SLC25A53: variants seen among roughly 807,000 people sequenced by gnomAD.
The protein encoded by SLC25A53 is mitochondrial carrier triple repeat protein 6.
SLC25A53 carries 5 observed loss-of-function variants against 15.0 expected under a neutral mutation model. That is an observed-to-expected ratio of 0.33 (90% CI 0.17 to 0.70). The LOEUF (loss-of-function observed/expected upper bound fraction) is 0.70. SLC25A53 is among the 30% of genes least tolerant of loss of function. SLC25A53 has a pLI of 0.67. For synonymous variants in SLC25A53, 95 were observed against 100.0 expected, an observed-to-expected ratio of 0.95 and a Z score of 0.30; for missense variants, 216 against 241.6, an observed-to-expected ratio of 0.89 and a Z score of 0.70.
At position 104,144,567 on chromosome X, in the gene SLC25A53, G is replaced by C. The variant is rs368449404; in HGVS notation, c.-32+12311C>G. On this transcript the variant is annotated intron_variant, in intron 1 of 1. Coordinates refer to ENST00000594199, the MANE Select transcript of SLC25A53 (RefSeq NM_001012755.5). ...CGATCTCGCTGGGAGCTGCAGACCAGAGCTGTTCCTATTCGGCCATCTTGC... is the reference window on the plus strand; with the variant it reads ...CGATCTCGCTGGGAGCTGCAGACCACAGCTGTTCCTATTCGGCCATCTTGC... 6.3e-5 allele frequency among the ~76,000 whole-genome samples: 7 copies of C among 111,766 alleles called. No individual in the cohort carries two copies. In the East Asian group the frequency reaches 2.0e-3, roughly 31 times the overall value.
intron 1 of SLC25A53, among the ~76,000 whole-genome samples, chrX:104,136,668 G>A (rs145060872): frequency 4.3e-4 from 48 of 112,215 alleles, no homozygotes; most frequent in African/African-American, 1.6e-3. Context: ...ACAGCCCACT[G>A]CACTGTGAAA....
At position 104,104,835 on chromosome X, in the gene SLC25A53, C is replaced by G. The variant is rs782548423; in HGVS notation, c.423G>C (p.Val141=). Residue 141 remains valine (V), a synonymous_variant, in exon 2 of 2, where the codon GTG becomes GTC. Transcript: ENST00000594199. ...GAGCTTGCTTGCGACCATCCTGGAGCACATTTTGCACCCTTTCAAAGGGGC... is the reference window on the plus strand; with the variant it reads ...GAGCTTGCTTGCGACCATCCTGGAGGACATTTTGCACCCTTTCAAAGGGGC... The part of the protein sequence containing the change: ...ALSPFERVQN[V]LQDGRKQARF... 2 of 1,209,849 alleles carry G rather than the reference C, an allele frequency of 1.7e-6. No individual in the cohort carries two copies. Among genetic ancestry groups the G allele is most frequent in the South Asian group, 1.8e-5 (1 of 56,815 alleles).
intron 1 of SLC25A53, chrX:104,114,137 G>T: frequency 1.7e-6 from 2 of 1,211,308 alleles, no homozygotes; most frequent in Non-Finnish European, 2.2e-6. Flanking sequence ...GCGTGTGTGG[G>T]TAACAGCAGG....
At chrX:104,124,839 CT>C (rs34662574) in intron 1 of SLC25A53, among the ~76,000 whole-genome samples, 6,566 of 61,884 alleles carry the variant, frequency 0.11, 56 homozygotes, top group Non-Finnish European at 0.15. Context: ...AACTTTTTTC[CT>C]TTTTTTTTTT....
At chrX:104,119,205 T>C (rs927722157) in intron 1 of SLC25A53, among the ~76,000 whole-genome samples, 1 of 112,293 alleles carries the variant, frequency 8.9e-6, no homozygotes, top group African/African-American at 3.2e-5. Flanking sequence ...CCAGATACAT[T>C]TGAGCAGTAA....
chrX:104,136,211 T>C (rs1556366428), intron 1 of SLC25A53, among the ~76,000 whole-genome samples: 1 of 111,336 alleles, frequency 9.0e-6, no homozygotes, highest in Non-Finnish European at 1.9e-5. Context: ...ATACATATTA[T>C]ATATGTATAT....
chrX:104,127,517 T>C (rs1602497938), intron 1 of SLC25A53, among the ~76,000 whole-genome samples: 1 of 112,174 alleles, frequency 8.9e-6, no homozygotes, highest in East Asian at 2.8e-4. Context: ...TATATTCTAG[T>C]TAACAATCTT....
At chrX:104,105,692 T>C (rs1360850500) in intron 1 of SLC25A53, among the ~76,000 whole-genome samples, 2 of 112,401 alleles carry the variant, frequency 1.8e-5, no homozygotes, top group Non-Finnish European at 3.8e-5. Flanking sequence ...GGCACTATCT[T>C]GTAGAGGCAG....
chrX:104,107,562 A>G (rs781950987), intron 1 of SLC25A53, among the ~76,000 whole-genome samples: 2 of 112,460 alleles, frequency 1.8e-5, no homozygotes, highest in African/African-American at 6.4e-5. Context: ...CCTATCAAAG[A>G]TCTTCTTTCC....
At chrX:104,119,653 C>T (rs2075387594) in intron 1 of SLC25A53, among the ~76,000 whole-genome samples, 1 of 109,255 alleles carries the variant, frequency 9.2e-6, no homozygotes, top group East Asian at 2.8e-4. Flanking sequence ...TAGATCTTAT[C>T]TTAAAATTTC....
rs1220276876 is a variant in SLC25A53 at position 104,102,022 on chromosome X, C to T, written c.*2312G>A. On this transcript the variant is annotated 3_prime_UTR_variant, in exon 2 of 2. Coordinates refer to ENST00000594199, the MANE Select transcript of SLC25A53 (RefSeq NM_001012755.5). Reference sequence around the variant, plus strand: ...TCCTTATGCAGACTCTGTGTTCATACTTCCTTGAATCCACAAGTTGAGTAC... The same window carrying T: ...TCCTTATGCAGACTCTGTGTTCATATTTCCTTGAATCCACAAGTTGAGTAC... The T allele has an allele frequency of 8.9e-6, 1 of 112,020 alleles. No homozygotes were observed. The highest frequency in any genetic ancestry group is 1.9e-5 in the Non-Finnish European group (1 of 53,232). The allele number at this position is 112,020 out of a possible 1,213,427, so 9.2% of individuals were successfully genotyped here. A position where few individuals can be genotyped will look rare whatever the true frequency, so the allele number is the denominator to read the frequency against.
rs782607421 is a variant in SLC25A53 at position 104,104,997 on chromosome X, G to C, written c.261C>G (p.Ser87=). ...ACAGAAGAGTCCCTTGCAACGTCTT[G>C]GAGAGAAGAGGAGGGTAGATTCCCC... The part of the protein sequence containing the change: ...FYRGIYPPLL[S]KTLQGTLLFG... The change falls in exon 2 of 2, where the codon TCC becomes TCG. Residue 87 remains serine (S), a synonymous_variant. Transcript: ENST00000594199. 8.3e-7 allele frequency: 1 copy of C among 1,211,564 alleles called. No individual in the cohort carries two copies. Among genetic ancestry groups the C allele is most frequent in the Admixed American group, 2.2e-5 (1 of 46,016 alleles).
At chrX:104,115,012 G>C in intron 1 of SLC25A53, 1 of 1,193,925 alleles carries the variant, frequency 8.4e-7, no homozygotes, top group Non-Finnish European at 1.1e-6. Flanking sequence ...CAGAGGAAGA[G>C]CCAGACCTCT....
At chrX:104,155,766 G>A (rs1200923786) in intron 1 of SLC25A53, among the ~76,000 whole-genome samples, 1 of 111,311 alleles carries the variant, frequency 9.0e-6, no homozygotes, top group African/African-American at 3.3e-5. Flanking sequence ...TGTGGGGACC[G>A]GGCGCGGTGG....
At position 104,100,873 on chromosome X, in the gene SLC25A53, G is replaced by T. The variant is rs781900858; in HGVS notation, c.*3461C>A. Reference sequence around the variant, plus strand: ...TTCCCACACACTAAGTGAGCAATCAGTTCTGCAGCGAACACCAGCTGGGTG... The same window carrying T: ...TTCCCACACACTAAGTGAGCAATCATTTCTGCAGCGAACACCAGCTGGGTG... On this transcript the variant is annotated 3_prime_UTR_variant, in exon 2 of 2. Coordinates refer to ENST00000594199, the MANE Select transcript of SLC25A53 (RefSeq NM_001012755.5). The T allele has an allele frequency of 1.8e-5, 2 of 111,787 alleles. No individual in the cohort carries two copies. The highest frequency in any genetic ancestry group is 5.6e-4 in the East Asian group (2 of 3,543). The allele number at this position is 111,787 out of a possible 1,213,427, so 9.2% of individuals were successfully genotyped here.
In SLC25A53 at chrX:104,122,317, G is replaced by GTT. The variant is rs200042372; in HGVS notation, c.-31-17031_-31-17030dup. On this transcript the variant is annotated intron_variant, in intron 1 of 1. Transcript: ENST00000594199. ...TTTCTTTTTTTTGTTTTTTTTTTTTGTTTTTTTTTTGAGACAGAGTCTCGC... is the reference window on the plus strand; with the variant it reads ...TTTCTTTTTTTTGTTTTTTTTTTTTGTTTTTTTTTTTTGAGACAGAGTCTCGC... 3.4e-3 allele frequency among the ~76,000 whole-genome samples: 256 copies of GTT among 75,279 alleles called. 4 individuals are homozygous for GTT. Among genetic ancestry groups the GTT allele is most frequent in the South Asian group, 0.028 (42 of 1,496 alleles). The allele number at this position is 75,279 out of a possible 115,157, so 65.4% of individuals were successfully genotyped here. A position where few individuals can be genotyped will look rare whatever the true frequency, so the allele number is the denominator to read the frequency against.
At chrX:104,120,642 T>G (rs1274820123) in intron 1 of SLC25A53, among the ~76,000 whole-genome samples, 3 of 111,889 alleles carry the variant, frequency 2.7e-5, no homozygotes, top group African/African-American at 9.7e-5. Context: ...GATGGTAGTT[T>G]TATTTCTTCT....
intron 1 of SLC25A53, among the ~76,000 whole-genome samples, chrX:104,146,904 T>C (rs1264361270): frequency 9.0e-6 from 1 of 110,905 alleles, no homozygotes; most frequent in Non-Finnish European, 1.9e-5. Context: ...TTCAATGCCA[T>C]CCCCATCAAG....
At chrX:104,121,383 C>T (rs1209960706) in intron 1 of SLC25A53, among the ~76,000 whole-genome samples, 2 of 111,850 alleles carry the variant, frequency 1.8e-5, no homozygotes, top group African/African-American at 6.5e-5. Context: ...AGAAAAGCAT[C>T]CTTATTCACA....
Sources: gnomAD v4.1 joint callset for allele counts (sites outside exome capture counted in the v4.1 genomes callset) on GRCh38, gnomAD v4.1.1 for gene constraint, MANE v1.5 for transcripts, NCBI Gene and HGNC (gene_info 2026-07-23, HGNC 2026-07-21) for gene names.